GRIK1: variants seen among roughly 807,000 people sequenced by gnomAD.
GRIK1 encodes glutamate ionotropic receptor kainate type subunit 1, also known as glutamate receptor ionotropic, kainate 1.
In GRIK1, 69 loss-of-function variants were observed where a neutral mutation model predicts 105.7. The ratio of observed to expected loss-of-function variants is 0.65; its 90% confidence interval spans 0.54 to 0.80. The LOEUF is 0.80. GRIK1 is among the 30% of genes least tolerant of loss of function. The pLI, the probability that GRIK1 is intolerant of heterozygous loss-of-function variation, is 0.00. For missense variants in GRIK1, 1,109 were observed against 1,167.3 expected, an observed-to-expected ratio of 0.95 and a Z score of 0.73; for synonymous variants, 438 against 431.3, an observed-to-expected ratio of 1.02 and a Z score of -0.19.
chr21:29,915,014 T>C (rs2070945037), intron 1 of GRIK1, among the ~76,000 whole-genome samples: 3 of 152,122 alleles, frequency 2.0e-5, no homozygotes, highest in Admixed American at 2.0e-4. Flanking sequence ...AAATATGTTT[T>C]TTACATAATT....
intron 7 of GRIK1, among the ~76,000 whole-genome samples, chr21:29,620,104 A>G (rs1365499384): frequency 6.6e-6 from 1 of 152,210 alleles, no homozygotes; most frequent in African/African-American, 2.4e-5. Context: ...GTGCGTGTAT[A>G]AGGCTAGTAT....
At chr21:29,924,738 C>A (rs2071302596) in intron 1 of GRIK1, among the ~76,000 whole-genome samples, 2 of 152,128 alleles carry the variant, frequency 1.3e-5, no homozygotes, top group South Asian at 2.1e-4. Context: ...AAAACATTGG[C>A]TCTGCTTCCA....
At chr21:29,893,355 A>G (rs1434116202) in intron 1 of GRIK1, among the ~76,000 whole-genome samples, 2 of 152,220 alleles carry the variant, frequency 1.3e-5, no homozygotes, top group Non-Finnish European at 1.5e-5. Context: ...TACTATGAAT[A>G]AAACATTCTT....
At chr21:29,715,972 G>A (rs990834572) in intron 1 of GRIK1, among the ~76,000 whole-genome samples, 9 of 151,954 alleles carry the variant, frequency 5.9e-5, no homozygotes, top group Admixed American at 2.0e-4. Context: ...TGGTGGGAGG[G>A]ACCAGGTGGG....
At chr21:29,780,089 C>T (rs2066053381) in intron 1 of GRIK1, among the ~76,000 whole-genome samples, 1 of 152,144 alleles carries the variant, frequency 6.6e-6, no homozygotes, top group Admixed American at 6.5e-5. Context: ...ATACCTATCT[C>T]ATAAATAGAT....
chr21:29,617,828 A>G (rs1323005871), intron 7 of GRIK1, among the ~76,000 whole-genome samples: 1 of 152,168 alleles, frequency 6.6e-6, no homozygotes, highest in South Asian at 2.1e-4. Flanking sequence ...CTGGGCTGCT[A>G]TTGTATAGAC....
At position 29,537,902 on chromosome 21, in the gene GRIK1, A is replaced by C. The variant is rs538764682; in HGVS notation, c.2608-18T>G. On this transcript the variant is annotated intron_variant, in intron 16 of 17. Transcript: ENST00000327783. Reference sequence around the variant, plus strand: ...TTTCCTTTCTGATAAAAAAAAAAGAAAAAAAAACAATTTTAAATTGTACAT... The same window carrying C: ...TTTCCTTTCTGATAAAAAAAAAAGACAAAAAAACAATTTTAAATTGTACAT... 26 of 1,097,296 alleles carry C rather than the reference A, an allele frequency of 2.4e-5. No homozygotes were observed. In the African/African-American group the frequency reaches 3.5e-4, roughly 15 times the overall value. 68.0% of individuals were successfully genotyped at this position (1,097,296 alleles called of 1,614,324 possible).
chr21:29,879,655 C>T (rs1019883054), intron 1 of GRIK1, among the ~76,000 whole-genome samples: 5 of 151,852 alleles, frequency 3.3e-5, no homozygotes, highest in African/African-American at 9.7e-5. Context: ...GTTTTTTTCC[C>T]CTATAGTTAA....
chr21:29,675,375 T>A (rs1414070961), intron 3 of GRIK1, among the ~76,000 whole-genome samples: 2 of 152,178 alleles, frequency 1.3e-5, no homozygotes, highest in Non-Finnish European at 2.9e-5. Flanking sequence ...ACATAGATTT[T>A]TTTTTTTCAT....
At chr21:29,927,042 T>C (rs2071392635) in intron 1 of GRIK1, among the ~76,000 whole-genome samples, 1 of 152,178 alleles carries the variant, frequency 6.6e-6, no homozygotes, top group Admixed American at 6.5e-5. Context: ...CAGTTGTATG[T>C]AGCCTCAGAA....
At chr21:29,785,975 G>A (rs1342599863) in intron 1 of GRIK1, among the ~76,000 whole-genome samples, 6 of 145,044 alleles carry the variant, frequency 4.1e-5, no homozygotes, top group South Asian at 2.2e-4. Context: ...TTCCCTCTGT[G>A]TCTCTCCTCT....
chr21:29,710,757 C>CTCCCTCTG (rs2064025565), intron 1 of GRIK1, among the ~76,000 whole-genome samples: 1 of 147,634 alleles, frequency 6.8e-6, no homozygotes, highest in African/African-American at 2.5e-5. Context: ...TTGCCTTTCC[C>CTCCCTCTG]TCCCTCCGTC....
At chr21:29,767,523 A>C (rs962272645) in intron 1 of GRIK1, among the ~76,000 whole-genome samples, 1 of 152,188 alleles carries the variant, frequency 6.6e-6, no homozygotes, top group Non-Finnish European at 1.5e-5. Flanking sequence ...TGGAAAAAAA[A>C]AAAGAACTGC....
chr21:29,721,820 C>T (rs1259903354), intron 1 of GRIK1, among the ~76,000 whole-genome samples: 1 of 152,094 alleles, frequency 6.6e-6, no homozygotes, highest in Non-Finnish European at 1.5e-5. Context: ...CCCCTTCCAT[C>T]TACCCTTCAA....
intron 7 of GRIK1, among the ~76,000 whole-genome samples, chr21:29,641,132 T>C (rs2062501221): frequency 6.6e-6 from 1 of 152,212 alleles, no homozygotes; most frequent in Admixed American, 6.5e-5. Flanking sequence ...TATACCCATC[T>C]TATAGATAAG....
intron 1 of GRIK1, among the ~76,000 whole-genome samples, chr21:29,915,262 T>A (rs1422434980): frequency 6.6e-6 from 1 of 151,968 alleles, no homozygotes; most frequent in African/African-American, 2.4e-5. Flanking sequence ...CTGTGTCCAG[T>A]GCTCAGAGCT....
chr21:29,614,197 C>T (rs1028878920), intron 7 of GRIK1, among the ~76,000 whole-genome samples: 1 of 152,208 alleles, frequency 6.6e-6, no homozygotes, highest in African/African-American at 2.4e-5. Context: ...CTGAAGGAGG[C>T]CTGTAAGTAC....
At chr21:29,866,462 G>A (rs1053657514) in intron 1 of GRIK1, among the ~76,000 whole-genome samples, 1 of 152,086 alleles carries the variant, frequency 6.6e-6, no homozygotes, top group South Asian at 2.1e-4. Context: ...TGGAATGGAA[G>A]TTAGAAACAA....
intron 1 of GRIK1, among the ~76,000 whole-genome samples, chr21:29,812,696 A>G (rs2067043378): frequency 1.3e-5 from 2 of 152,210 alleles, no homozygotes; most frequent in Admixed American, 6.5e-5. Flanking sequence ...AGCCACTAGG[A>G]AATACACAGA....
Sources: allele counts gnomAD v4.1 joint callset (sites outside exome capture counted in the v4.1 genomes callset), GRCh38; gene constraint gnomAD v4.1.1; transcripts MANE v1.5; gene names NCBI Gene and HGNC (gene_info 2026-07-23, HGNC 2026-07-21).